Variants in HSD17B3 observed in about 807,000 individuals in gnomAD.
HSD17B3 encodes 17-beta-hydroxysteroid dehydrogenase type 3.
HSD17B3 carries 29 observed loss-of-function variants against 41.1 expected under a neutral mutation model. That is an observed-to-expected ratio of 0.71 (90% CI 0.53 to 0.96). The LOEUF is 0.96. Ranked by LOEUF, HSD17B3 falls within the 40% of genes least tolerant of loss-of-function variation. The pLI is 0.00. For synonymous variants in HSD17B3, 126 were observed against 145.6 expected (o/e 0.87, Z 0.97); for missense variants, 323 against 374.6 (o/e 0.86, Z 1.14).
Position 96,244,176 on chromosome 9 carries a change from C to G in HSD17B3, c.672+153G>C, listed in dbSNP as rs544107102. The G allele has an allele frequency of 4.5e-4, 367 of 817,562 alleles. 3 individuals are homozygous for G. The Admixed American group carries it at 6.0e-3, about 13-fold the overall frequency. The allele number at this position is 817,562 out of a possible 1,614,324, so 50.6% of individuals were successfully genotyped here. ...CGCCCCAAAAGCCCACGTGGCATCC[C>G]CAGCTCATCTTCCTGTTGACCACAC... On this transcript the variant is annotated intron_variant, in intron 9 of 10. Coordinates refer to ENST00000375263, the MANE Select transcript of HSD17B3 (RefSeq NM_000197.2).
rs368041579 is a variant in HSD17B3, at chr9:96,260,482, T to G, written c.202-5539A>C. ...TTCTTGGGTTTGGGCCAACCTAACT[T>G]TGGGAGAGACTTAGTTTATAATTTA... On this transcript the variant is annotated intron_variant, in intron 2 of 10. Coordinates refer to ENST00000375263, the MANE Select transcript of HSD17B3 (RefSeq NM_000197.2). Among the ~76,000 whole-genome samples, 244 of 152,320 alleles carry G rather than the reference T, an allele frequency of 1.6e-3. 1 individual carries two copies. Among genetic ancestry groups the G allele is most frequent in the African/African-American group, 5.6e-3 (233 of 41,574 alleles).
At position 96,296,122 on chromosome 9, in the gene HSD17B3, G is replaced by A. The variant is rs552516423; in HGVS notation, c.201+2294C>T. Among the ~76,000 whole-genome samples the A allele has an allele frequency of 3.8e-4, 58 of 152,182 alleles. No individual in the cohort carries two copies. The South Asian group carries it at 0.011, about 29-fold the overall frequency. On this transcript the variant is annotated intron_variant, in intron 2 of 10. Coordinates refer to ENST00000375263, the MANE Select transcript of HSD17B3 (RefSeq NM_000197.2). ...AAATTAGCCAGGCGTGATGGCACAC[G>A]CCCGTAGTCCCTGATACTCAGGAGG...
intron 2 of HSD17B3, among the ~76,000 whole-genome samples, chr9:96,282,332 G>A (rs953175622): frequency 6.6e-6 from 1 of 152,140 alleles, no homozygotes; most frequent in Non-Finnish European, 1.5e-5. Context: ...TATGAGAAAA[G>A]TAAAAAGTGT....
intron 2 of HSD17B3, among the ~76,000 whole-genome samples, chr9:96,274,824 A>T (rs1365967693): frequency 6.6e-6 from 1 of 152,220 alleles, no homozygotes; most frequent in Non-Finnish European, 1.5e-5. Context: ...AAAGGGCAAC[A>T]GGCTTATGTG....
rs964737265 is a variant in HSD17B3, at chr9:96,250,218, C to T, written c.454-432G>A. On this transcript the variant is annotated intron_variant, in intron 5 of 10. Transcript: ENST00000375263. ...GCAGGTAAAGAAACCACTAGAATGA[C>T]CAAAGATAAAGAGAAAGGACAAGAG... 3.2e-5 allele frequency: 36 copies of T among 1,120,048 alleles called. 1 individual carries two copies. Among genetic ancestry groups the T allele is most frequent in the Middle Eastern group, 7.8e-4 (2 of 2,580 alleles). The allele number at this position is 1,120,048 out of a possible 1,614,324, so 69.4% of individuals were successfully genotyped here.
At chr9:96,295,313 T>A (rs400851) in intron 2 of HSD17B3, among the ~76,000 whole-genome samples, 53,615 of 145,500 alleles carry the variant, frequency 0.37, 9,709 homozygotes, top group Middle Eastern at 0.48. Context: ...CCACAAGGAG[T>A]TTTTTGGTTT....
intron 6 of HSD17B3, among the ~76,000 whole-genome samples, chr9:96,247,623 C>A (rs773973368): frequency 2.0e-5 from 3 of 152,154 alleles, no homozygotes; most frequent in Non-Finnish European, 4.4e-5. Flanking sequence ...GGATGAGGGG[C>A]GAGATAGTGT....
intron 2 of HSD17B3, among the ~76,000 whole-genome samples, chr9:96,273,424 T>C (rs1826336973): frequency 6.6e-6 from 1 of 152,218 alleles, no homozygotes; most frequent in Admixed American, 6.5e-5. Flanking sequence ...TGGCACACCT[T>C]GGCTCCAAAA....
intron 2 of HSD17B3, among the ~76,000 whole-genome samples, chr9:96,286,616 G>A (rs1826929137): frequency 6.6e-6 from 1 of 151,958 alleles, no homozygotes; most frequent in Admixed American, 6.6e-5. Context: ...CTTGAACCCA[G>A]GAGGCAGAGG....
In HSD17B3 at chr9:96,246,587, T is replaced by C; in HGVS notation, c.493A>G (p.Thr165Ala). 6.2e-7 allele frequency: 1 copy of C among 1,614,066 alleles called. No individual in the cohort carries two copies. Among genetic ancestry groups the C allele is most frequent in the Non-Finnish European group, 8.5e-7 (1 of 1,179,996 alleles). ...TCCATATGTTTCAGAATTAGCTGTGTCATCTACAAGAGAAGGCCAAAGGTA... is the reference window on the plus strand; with the variant it reads ...TCCATATGTTTCAGAATTAGCTGTGCCATCTACAAGAGAAGGCCAAAGGTA... ...HCNITSVVKM[T>A]QLILKHMESR... The change falls in exon 7 of 11, where the codon ACA (threonine) becomes GCA (alanine). Residue 165 changes from threonine (T) to alanine (A), a missense_variant. Thr to Ala is a moderately conservative substitution (Grantham distance 58). Coordinates refer to ENST00000375263, the MANE Select transcript of HSD17B3 (RefSeq NM_000197.2).
chr9:96,242,887 T>A (rs1216361405), intron 9 of HSD17B3, among the ~76,000 whole-genome samples: 1 of 152,238 alleles, frequency 6.6e-6, no homozygotes, highest in Non-Finnish European at 1.5e-5. Flanking sequence ...TCCAGACACA[T>A]GCATAATAGA....
intron 5 of HSD17B3, 77 bp downstream of exon 5, chr9:96,251,341 A>C: frequency 8.1e-7 from 1 of 1,240,150 alleles, no homozygotes; most frequent in Non-Finnish European, 1.2e-6. Flanking sequence ...ACGCCTTCCC[A>C]GGCCTGACTC....
chr9:96,251,629 G>C (rs927837366), intron 4 of HSD17B3, 144 bp from the exon 5 acceptor site: 1 of 744,740 alleles, frequency 1.3e-6, no homozygotes, highest in African/African-American at 1.7e-5. Flanking sequence ...GGAAGTTTTT[G>C]TCCAGTAATA....
intron 2 of HSD17B3, among the ~76,000 whole-genome samples, chr9:96,272,735 C>T (rs1826313492): frequency 3.3e-5 from 5 of 151,702 alleles, no homozygotes; most frequent in Admixed American, 3.3e-4. Context: ...AAAATAAAGA[C>T]TTATGTTTAC....
rs1001279895 is a variant in HSD17B3 at position 96,250,228 on chromosome 9, A to T, written c.454-442T>A. On this transcript the variant is annotated intron_variant, in intron 5 of 10. Transcript: ENST00000375263. ...AAACCACTAGAATGACCAAAGATAAAGAGAAAGGACAAGAGGACGGACACA... is the reference window on the plus strand; with the variant it reads ...AAACCACTAGAATGACCAAAGATAATGAGAAAGGACAAGAGGACGGACACA... The T allele has an allele frequency of 9.8e-6, 11 of 1,122,604 alleles. No individual in the cohort carries two copies. The African/African-American group carries it at 1.7e-4, about 18-fold the overall frequency. The allele number at this position is 1,122,604 out of a possible 1,614,324, so 69.5% of individuals were successfully genotyped here.
intron 3 of HSD17B3, 131 bp downstream of exon 3, chr9:96,254,737 C>T: frequency 2.6e-6 from 2 of 773,296 alleles, no homozygotes; most frequent in South Asian, 3.0e-5. Flanking sequence ...TGTAACCGGG[C>T]TCCCCAGGAG....
chr9:96,283,722 A>G (rs1826797134), intron 2 of HSD17B3, among the ~76,000 whole-genome samples: 1 of 151,006 alleles, frequency 6.6e-6, no homozygotes, highest in Non-Finnish European at 1.5e-5. Flanking sequence ...ATCCACAAAA[A>G]AAATTGTTGT....
Position 96,240,652 on chromosome 9 carries a change from G to A in HSD17B3, c.822+106C>T, listed in dbSNP as rs968398258. On this transcript the variant is annotated intron_variant, in intron 10 of 10. Coordinates refer to ENST00000375263, the MANE Select transcript of HSD17B3 (RefSeq NM_000197.2). ...AGTCCTTGTACCTGGCTATATTAAC[G>A]CATCAATGAGTGCTCCAGCAGCAAG... The A allele has an allele frequency of 8.0e-6, 9 of 1,119,462 alleles. No homozygotes were observed. In the South Asian group the frequency reaches 8.7e-5, roughly 11 times the overall value. 69.3% of individuals were successfully genotyped at this position (1,119,462 alleles called of 1,614,324 possible). A position where few individuals can be genotyped will look rare whatever the true frequency, so the allele number is the denominator to read the frequency against.
intron 2 of HSD17B3, among the ~76,000 whole-genome samples, chr9:96,296,820 T>C (rs1469424456): frequency 1.3e-5 from 2 of 152,124 alleles, no homozygotes; most frequent in Non-Finnish European, 2.9e-5. Flanking sequence ...AGCAGGCAGA[T>C]AACTTGAGCT....
Sources: allele counts gnomAD v4.1 joint callset (sites outside exome capture counted in the v4.1 genomes callset), GRCh38; gene constraint gnomAD v4.1.1; transcripts MANE v1.5; gene names NCBI Gene and HGNC (gene_info 2026-07-23, HGNC 2026-07-21).